The following FGF12 variants were observed in gnomAD, a reference collection of about 807,000 sequenced individuals.
The protein encoded by FGF12 is fibroblast growth factor 12B.
Under a neutral mutation model 23.6 loss-of-function variants are expected in FGF12, and 14 were observed. The ratio of observed to expected loss-of-function variants is 0.59; its 90% CI spans 0.39 to 0.93. The LOEUF is 0.93. Ranked by LOEUF, FGF12 falls within the 40% of genes least tolerant of loss-of-function variation. The pLI is 0.00. For missense variants in FGF12, 175 were observed against 217.8 expected (o/e 0.80, Z 1.24); for synonymous variants, 62 against 77.3 (o/e 0.80, Z 1.04).
chr3:192,271,692 C>T lies in FGF12; in HGVS notation c.228+63669G>A, dbSNP rs545750224. 3.9e-5 allele frequency among the ~76,000 whole-genome samples: 6 copies of T among 152,230 alleles called. No individual in the cohort carries two copies. The East Asian group carries it at 1.2e-3, about 29-fold the overall frequency. ...TTTCTGTTTGGGGGGAAGTCTTTCCCAACCCTCATCCCCAGATTAGATCAG... is the reference window on the plus strand; with the variant it reads ...TTTCTGTTTGGGGGGAAGTCTTTCCTAACCCTCATCCCCAGATTAGATCAG... On this transcript the variant is annotated intron_variant, in intron 4 of 5. Transcript: ENST00000445105.
chr3:192,144,492 TA>T (rs1713585106), intron 5 of FGF12, among the ~76,000 whole-genome samples: 1 of 152,036 alleles, frequency 6.6e-6, no homozygotes, highest in South Asian at 2.1e-4. Flanking sequence ...TTCGGGTAGG[TA>T]AAAAAATATT....
intron 2 of FGF12, among the ~76,000 whole-genome samples, chr3:192,664,188 TGA>T (rs1716769519): frequency 6.6e-6 from 1 of 152,202 alleles, no homozygotes; most frequent in Non-Finnish European, 1.5e-5. Flanking sequence ...GAATCTATCA[TGA>T]GATATAAAAA....
intron 2 of FGF12, among the ~76,000 whole-genome samples, chr3:192,623,700 C>T (rs1474939863): frequency 1.3e-5 from 2 of 152,120 alleles, no homozygotes; most frequent in Non-Finnish European, 2.9e-5. Flanking sequence ...CGAGTCACTG[C>T]AGTGCAGATT....
intron 2 of FGF12, among the ~76,000 whole-genome samples, chr3:192,436,650 A>G (rs563177702): frequency 2.6e-5 from 4 of 152,240 alleles, no homozygotes; most frequent in Non-Finnish European, 1.5e-5. Flanking sequence ...AGATTGCACA[A>G]TGTCAGTTTC....
chr3:192,697,596 G>A (rs151003562), intron 2 of FGF12, among the ~76,000 whole-genome samples: 3 of 152,232 alleles, frequency 2.0e-5, no homozygotes, highest in Admixed American at 6.5e-5. Context: ...GGGAGAAGGT[G>A]GACTGACTAG....
chr3:192,612,923 C>A (rs1224161738), intron 2 of FGF12, among the ~76,000 whole-genome samples: 1 of 151,754 alleles, frequency 6.6e-6, no homozygotes, highest in Non-Finnish European at 1.5e-5. Context: ...TTGAATGTTT[C>A]CACAATTTTA....
At chr3:192,606,531 T>C (rs562346328) in intron 2 of FGF12, among the ~76,000 whole-genome samples, 1 of 152,210 alleles carries the variant, frequency 6.6e-6, no homozygotes, top group South Asian at 2.1e-4. Flanking sequence ...AAAATAAAAG[T>C]TGAAATTTAA....
At chr3:192,707,953 ATTAT>A (rs542479948) in intron 2 of FGF12, among the ~76,000 whole-genome samples, 15 of 151,286 alleles carry the variant, frequency 9.9e-5, no homozygotes, top group East Asian at 1.9e-4. Context: ...CATTATTATT[ATTAT>A]TTATTTATTT....
intron 4 of FGF12, among the ~76,000 whole-genome samples, chr3:192,274,803 T>C (rs1313227862): frequency 6.6e-6 from 1 of 152,184 alleles, no homozygotes; most frequent in East Asian, 1.9e-4. Flanking sequence ...CATACAGCTT[T>C]TGCAAGTAAA....
chr3:192,141,599 C>A lies in FGF12; in HGVS notation c.*2410G>T, dbSNP rs1305675072. 1 of 151,914 alleles carries A rather than the reference C, an allele frequency of 6.6e-6. No homozygotes were observed. Among genetic ancestry groups the A allele is most frequent in the Non-Finnish European group, 1.5e-5 (1 of 67,868 alleles). The allele number at this position is 151,914 out of a possible 1,614,324, so 9.4% of individuals were successfully genotyped here. A position where few individuals can be genotyped will look rare whatever the true frequency, so the allele number is the denominator to read the frequency against. The stretch of plus-strand genomic sequence containing the variant: ...TGTGGTTAGAATTTTTTCTTAACTG[C>A]TATCAGGAAGGAGACAAATGTGAGT... On this transcript the variant is annotated 3_prime_UTR_variant, in exon 6 of 6. Coordinates refer to ENST00000445105, the MANE Select transcript of FGF12 (RefSeq NM_004113.6).
At chr3:192,263,739 G>C (rs1257094195) in intron 4 of FGF12, among the ~76,000 whole-genome samples, 2 of 151,908 alleles carry the variant, frequency 1.3e-5, no homozygotes, top group African/African-American at 2.4e-5. Flanking sequence ...ATGAAATTGA[G>C]TTTTGAAATT....
chr3:192,475,332 A>C (rs1723285134), intron 2 of FGF12, among the ~76,000 whole-genome samples: 1 of 152,180 alleles, frequency 6.6e-6, no homozygotes, highest in Non-Finnish European at 1.5e-5. Flanking sequence ...GCTTCCGCCC[A>C]TATCCAAGGA....
At chr3:192,184,623 G>A (rs112569945) in intron 4 of FGF12, among the ~76,000 whole-genome samples, 190 of 152,256 alleles carry the variant, frequency 1.2e-3, no homozygotes, top group African/African-American at 3.5e-3. Flanking sequence ...ATCAATAGCC[G>A]TACTGCTACC....
At position 192,193,344 on chromosome 3, in the gene FGF12, T is replaced by C. The variant is rs138385749; in HGVS notation, c.229-22688A>G. Among the ~76,000 whole-genome samples, 473 of 152,286 alleles carry C rather than the reference T, an allele frequency of 3.1e-3. 2 individuals carry two copies. The highest frequency in any genetic ancestry group is 0.011 in the African/African-American group (454 of 41,560). On this transcript the variant is annotated intron_variant, in intron 4 of 5. Coordinates refer to ENST00000445105, the MANE Select transcript of FGF12 (RefSeq NM_004113.6). ...TTCAACTCTTATGCCTTGGATATGA[T>C]ACTGCCACGATCACCCCATCACTGT...
intron 2 of FGF12, among the ~76,000 whole-genome samples, chr3:192,719,327 T>C (rs1718960072): frequency 6.6e-6 from 1 of 152,244 alleles, no homozygotes; most frequent in African/African-American, 2.4e-5. Flanking sequence ...TTTAAAAGAC[T>C]GGCACTGATT....
chr3:192,309,886 A>C, intron 4 of FGF12, among the ~76,000 whole-genome samples: 1 of 152,200 alleles, frequency 6.6e-6, no homozygotes, highest in Non-Finnish European at 1.5e-5. Context: ...ATCCTTCTTA[A>C]AACTCTGTAC....
intron 2 of FGF12, among the ~76,000 whole-genome samples, chr3:192,561,584 G>T (rs374080622): frequency 1.3e-5 from 2 of 152,024 alleles, no homozygotes; most frequent in African/African-American, 2.4e-5. Flanking sequence ...GGATAGTCTC[G>T]ATCTCCTGAC....
intron 4 of FGF12, among the ~76,000 whole-genome samples, chr3:192,313,133 A>G (rs1357658906): frequency 1.3e-5 from 2 of 152,200 alleles, no homozygotes; most frequent in South Asian, 2.1e-4. Flanking sequence ...TCATTCTTTC[A>G]TAGCACTAAT....
chr3:192,266,908 CTT>C (rs1288352260), intron 4 of FGF12: 16 of 151,870 alleles, frequency 1.1e-4, no homozygotes, highest in Non-Finnish European at 2.2e-4. Flanking sequence ...TATGAAGTGA[CTT>C]ATATCTCAAA....
Sources: gnomAD v4.1 joint callset for allele counts (sites outside exome capture counted in the v4.1 genomes callset) on GRCh38, gnomAD v4.1.1 for gene constraint, MANE v1.5 for transcripts, NCBI Gene and HGNC (gene_info 2026-07-23, HGNC 2026-07-21) for gene names.